Variants in EYS observed in about 807,000 individuals in gnomAD.
EYS encodes EGF-like photoreceptor maintenance factor.
A neutral mutation model predicts 282.1 loss-of-function variants in EYS; 250 were observed. That is an observed-to-expected ratio of 0.89 (90% confidence interval 0.80 to 0.98). EYS has a LOEUF of 0.98. Ranked by LOEUF, EYS falls within the 50% of genes least tolerant of loss-of-function variation. The pLI is 0.00. For missense variants in EYS, 4,016 were observed against 3,709.0 expected (o/e 1.08, Z -2.15); for synonymous variants, 1,355 against 1,282.9 (o/e 1.06, Z -1.20).
chr6:64,248,680 T>C (rs1767100616), intron 30 of EYS, among the ~76,000 whole-genome samples: 1 of 152,144 alleles, frequency 6.6e-6, no homozygotes, highest in Non-Finnish European at 1.5e-5. Context: ...TAGAGATTTC[T>C]CAAAGAGCTA....
chr6:64,277,294 AT>A (rs1416632136), intron 30 of EYS, among the ~76,000 whole-genome samples: 1 of 152,136 alleles, frequency 6.6e-6, no homozygotes, highest in African/African-American at 2.4e-5. Flanking sequence ...AATTTGTAGC[AT>A]TATATATATG....
At chr6:64,816,963 AAT>A in intron 21 of EYS, among the ~76,000 whole-genome samples, 2 of 151,212 alleles carry the variant, frequency 1.3e-5, no homozygotes, top group East Asian at 1.9e-4. Context: ...GGTAGTATAG[AAT>A]ATATATATAA....
chr6:65,463,647 G>A (rs1354901053), intron 5 of EYS, among the ~76,000 whole-genome samples: 1 of 152,076 alleles, frequency 6.6e-6, no homozygotes, highest in African/African-American at 2.4e-5. Flanking sequence ...AATATTGCTT[G>A]ATGTGTTTAT....
chr6:65,505,363 G>T (rs1282834150), intron 2 of EYS, among the ~76,000 whole-genome samples: 1 of 151,432 alleles, frequency 6.6e-6, no homozygotes, highest in Admixed American at 6.6e-5. Flanking sequence ...AATAACTTTT[G>T]TATTAGTTTA....
chr6:65,213,872 G>T (rs1413317270), intron 12 of EYS, among the ~76,000 whole-genome samples: 1 of 151,992 alleles, frequency 6.6e-6, no homozygotes, highest in Non-Finnish European at 1.5e-5. Context: ...AAGGGATACT[G>T]AAAGCTGGCC....
At chr6:64,836,075 G>A (rs889905869) in intron 19 of EYS, among the ~76,000 whole-genome samples, 9 of 148,930 alleles carry the variant, frequency 6.0e-5, no homozygotes, top group South Asian at 2.1e-4. Context: ...TCTCATAATC[G>A]TAATTTTTAT....
chr6:65,453,560 T>G lies in EYS; in HGVS notation c.862+37034A>C, dbSNP rs192703916. On this transcript the variant is annotated intron_variant, in intron 5 of 42. Transcript: ENST00000503581. ...TCAAAAGTCTATCTTCTAGCTATTT[T>G]GTAATATACAATATTAAACTGTAAA... Among the ~76,000 whole-genome samples the G allele has an allele frequency of 2.0e-4, 31 of 152,144 alleles. No homozygotes were observed. In the East Asian group the frequency reaches 6.0e-3, roughly 29 times the overall value.
chr6:65,597,213 T>C (rs760908315), intron 2 of EYS, among the ~76,000 whole-genome samples: 15 of 152,240 alleles, frequency 9.9e-5, no homozygotes, highest in South Asian at 4.1e-4. Flanking sequence ...TCCTGTGCTT[T>C]AAATTACTAA....
intron 33 of EYS, among the ~76,000 whole-genome samples, chr6:64,023,128 G>T (rs1769271895): frequency 6.6e-6 from 1 of 152,132 alleles, no homozygotes; most frequent in Non-Finnish European, 1.5e-5. Context: ...TTTGTGTCTG[G>T]ATTATTGCAC....
At chr6:65,083,554 T>C (rs1774283283) in intron 12 of EYS, among the ~76,000 whole-genome samples, 1 of 151,930 alleles carries the variant, frequency 6.6e-6, no homozygotes, top group South Asian at 2.1e-4. Context: ...GCAGATAAAA[T>C]AAAATACATA....
intron 28 of EYS, among the ~76,000 whole-genome samples, chr6:64,392,104 A>G (rs1443723346): frequency 6.6e-6 from 1 of 152,066 alleles, no homozygotes; most frequent in Non-Finnish European, 1.5e-5. Context: ...CACCCAATAC[A>G]GGAGCACCAA....
At chr6:64,474,481 T>G (rs1776207422) in intron 26 of EYS, among the ~76,000 whole-genome samples, 1 of 152,192 alleles carries the variant, frequency 6.6e-6, no homozygotes, top group Non-Finnish European at 1.5e-5. Flanking sequence ...GAAAGAACAT[T>G]TTAAAAACAA....
chr6:64,814,588 A>T (rs1161270781), intron 21 of EYS, among the ~76,000 whole-genome samples: 1 of 152,080 alleles, frequency 6.6e-6, no homozygotes, highest in African/African-American at 2.4e-5. Flanking sequence ...GGGTTTATAT[A>T]TATACTTACA....
Position 64,723,005 on chromosome 6 carries a change from A to G in EYS, c.3443+90373T>C, listed in dbSNP as rs537810492. Among the ~76,000 whole-genome samples the G allele has an allele frequency of 2.0e-4, 31 of 151,590 alleles. 2 individuals carry two copies. The highest frequency in any genetic ancestry group is 7.5e-4 in the African/African-American group (31 of 41,362). ...TTAGGTCAGTATATCTGTAGCAGCA[A>G]CCCCTTATGTTAAAACCTGGAAAGG... On this transcript the variant is annotated intron_variant, in intron 22 of 42. Coordinates refer to ENST00000503581, the MANE Select transcript of EYS (RefSeq NM_001142800.2).
intron 29 of EYS, among the ~76,000 whole-genome samples, chr6:64,370,559 C>T (rs1330098117): frequency 6.6e-6 from 1 of 152,066 alleles, no homozygotes; most frequent in East Asian, 1.9e-4. Context: ...AGAAATCCCC[C>T]CTCCTCATTT....
intron 5 of EYS, among the ~76,000 whole-genome samples, chr6:65,413,641 T>C (rs974923557): frequency 2.6e-5 from 4 of 151,968 alleles, no homozygotes; most frequent in Non-Finnish European, 5.9e-5. Flanking sequence ...GCACCGATCA[T>C]GAGGTCAGGA....
intron 29 of EYS, among the ~76,000 whole-genome samples, chr6:64,331,532 G>A (rs1770646568): frequency 6.6e-6 from 1 of 152,138 alleles, no homozygotes; most frequent in African/African-American, 2.4e-5. Flanking sequence ...GAGCAGGACA[G>A]TGGAAGTTAC....
At chr6:64,033,697 C>T (rs1353440037) in intron 33 of EYS, among the ~76,000 whole-genome samples, 4 of 151,888 alleles carry the variant, frequency 2.6e-5, no homozygotes, top group African/African-American at 4.8e-5. Context: ...GCTACAAAAA[C>T]AAATTTAAAA....
At chr6:63,980,696 T>C (rs7762174) in intron 35 of EYS, among the ~76,000 whole-genome samples, 57,266 of 151,656 alleles carry the variant, frequency 0.38, 11,086 homozygotes, top group African/African-American at 0.46. Flanking sequence ...ATCCAATTTC[T>C]TCTTTTGAGA....
Sources: allele counts gnomAD v4.1 joint callset (sites outside exome capture counted in the v4.1 genomes callset), GRCh38; gene constraint gnomAD v4.1.1; transcripts MANE v1.5; gene names NCBI Gene and HGNC (gene_info 2026-07-23, HGNC 2026-07-21).